The following RBFOX1 variants were observed in gnomAD, a reference collection of about 807,000 sequenced individuals.
RBFOX1 encodes RNA binding protein fox-1 homolog 1.
RBFOX1 carries 8 observed loss-of-function variants against 57.7 expected under a neutral mutation model. The observed-to-expected ratio is 0.14, with a 90% confidence interval of 0.08 to 0.25. The LOEUF (loss-of-function observed/expected upper bound fraction) is 0.25. Ranked by LOEUF, RBFOX1 falls within the 10% of genes least tolerant of loss-of-function variation. The probability of loss-of-function intolerance (pLI) is 1.00; values close to 1 mark genes in which losing one functional copy is unlikely to be tolerated. For missense variants in RBFOX1, 611 were observed against 548.5 expected (o/e 1.11, Z -1.14); for synonymous variants, 326 against 222.4 (o/e 1.47, Z -4.15).
At chr16:6,246,361 C>G (rs1296668203) in intron 1 of RBFOX1, among the ~76,000 whole-genome samples, 1 of 152,180 alleles carries the variant, frequency 6.6e-6, no homozygotes, top group Non-Finnish European at 1.5e-5. Flanking sequence ...AGTGAGCAGG[C>G]AATTCCAACA....
At chr16:7,586,625 G>C (rs1351843808) in intron 6 of RBFOX1, among the ~76,000 whole-genome samples, 1 of 152,116 alleles carries the variant, frequency 6.6e-6, no homozygotes, top group East Asian at 1.9e-4. Flanking sequence ...ACTTTTCATA[G>C]AGCCTATTCA....
chr16:6,193,617 A>G (rs1271361699), intron 1 of RBFOX1, among the ~76,000 whole-genome samples: 1 of 151,710 alleles, frequency 6.6e-6, no homozygotes, highest in Non-Finnish European at 1.5e-5. Flanking sequence ...TAAAACAGGC[A>G]AAGCATTCAG....
intron 4 of RBFOX1, among the ~76,000 whole-genome samples, chr16:7,141,704 C>T (rs1023576128): frequency 6.6e-6 from 1 of 151,940 alleles, no homozygotes; most frequent in East Asian, 1.9e-4. Flanking sequence ...CTTTTGGATC[C>T]CTTCTTCTCC....
chr16:5,287,238 C>T (rs753741545), intron 1 of RBFOX1, among the ~76,000 whole-genome samples: 2 of 151,758 alleles, frequency 1.3e-5, no homozygotes, highest in Admixed American at 6.6e-5. Flanking sequence ...CAGGATTTTG[C>T]GGTTATAGTG....
intron 3 of RBFOX1, among the ~76,000 whole-genome samples, chr16:5,720,227 G>T (rs2051878119): frequency 6.6e-6 from 1 of 152,072 alleles, no homozygotes; most frequent in Non-Finnish European, 1.5e-5. Context: ...GTCTTTTTTG[G>T]AGACATGCCT....
chr16:5,281,570 A>G (rs1358613231), intron 1 of RBFOX1, among the ~76,000 whole-genome samples: 3 of 152,192 alleles, frequency 2.0e-5, no homozygotes, highest in Non-Finnish European at 4.4e-5. Flanking sequence ...CTCTCCGTCT[A>G]GATTTCATAA....
intron 14 of RBFOX1, among the ~76,000 whole-genome samples, chr16:7,684,596 A>G (rs964084462): frequency 6.8e-6 from 1 of 148,112 alleles, no homozygotes; most frequent in Non-Finnish European, 1.5e-5. Flanking sequence ...CAGTGGTTCT[A>G]ACGGGTCTTG....
In RBFOX1 at chr16:6,097,978, T is replaced by A. The variant is rs1024617543; in HGVS notation, c.-127+77986T>A. 9.2e-5 allele frequency among the ~76,000 whole-genome samples: 14 copies of A among 152,150 alleles called. No homozygotes were observed. Among genetic ancestry groups the A allele is most frequent in the African/African-American group, 3.4e-4 (14 of 41,444 alleles). On this transcript the variant is annotated intron_variant, in intron 1 of 15. Coordinates refer to ENST00000550418, the MANE Select transcript of RBFOX1 (RefSeq NM_018723.4). The surrounding 1 kb of genome is among the most constrained non-coding windows in gnomAD (Gnocchi z 5.0). ...ATCAGGGCCCCTGCTTGGTCTAGGA[T>A]GGAGCCTGCAATTTTGCATTTGTGA...
intron 3 of RBFOX1, among the ~76,000 whole-genome samples, chr16:5,718,205 T>C (rs2051790729): frequency 6.6e-6 from 1 of 152,224 alleles, no homozygotes; most frequent in South Asian, 2.1e-4. Flanking sequence ...GCTCAACAGA[T>C]TCAGTCTATC....
At chr16:7,041,406 A>G (rs774760360) in intron 3 of RBFOX1, among the ~76,000 whole-genome samples, 8 of 152,226 alleles carry the variant, frequency 5.3e-5, no homozygotes, top group East Asian at 3.9e-4. Flanking sequence ...AAGTTTTTCA[A>G]TTCCTAATGT....
intron 1 of RBFOX1, among the ~76,000 whole-genome samples, chr16:5,370,325 C>A (rs897709427): frequency 2.6e-5 from 4 of 152,048 alleles, no homozygotes; most frequent in African/African-American, 9.7e-5. Flanking sequence ...GTTTTGTGTT[C>A]TCTTCCCTTC....
At chr16:7,408,017 T>C (rs1312594524) in intron 4 of RBFOX1, among the ~76,000 whole-genome samples, 1 of 152,170 alleles carries the variant, frequency 6.6e-6, no homozygotes, top group East Asian at 1.9e-4. Context: ...CGTGGCTCTT[T>C]ACAGAAAAAA....
intron 3 of RBFOX1, among the ~76,000 whole-genome samples, chr16:5,662,947 C>T (rs1374390817): frequency 6.6e-6 from 1 of 152,178 alleles, no homozygotes; most frequent in Non-Finnish European, 1.5e-5. Context: ...AGTAGACGCT[C>T]AGTGCATGTT....
chr16:5,243,034 A>G (rs1344738055), intron 1 of RBFOX1, among the ~76,000 whole-genome samples: 1 of 151,460 alleles, frequency 6.6e-6, no homozygotes, highest in African/African-American at 2.4e-5. Context: ...TGCCAATATC[A>G]GAAGTTTCAC....
chr16:7,563,799 C>T (rs1197076621), intron 5 of RBFOX1, among the ~76,000 whole-genome samples: 7 of 150,048 alleles, frequency 4.7e-5, no homozygotes, highest in East Asian at 2.0e-4. Flanking sequence ...ATCCTGGAAC[C>T]AAAAGCCAAA....
At chr16:7,348,476 T>C (rs1370846204) in intron 4 of RBFOX1, among the ~76,000 whole-genome samples, 1 of 152,166 alleles carries the variant, frequency 6.6e-6, no homozygotes, top group Non-Finnish European at 1.5e-5. Context: ...ACATATTCCG[T>C]GTCCTTTCCA....
chr16:5,553,092 T>G lies in RBFOX1; in HGVS notation c.259-45810T>G, dbSNP rs188149999. Among the ~76,000 whole-genome samples, 421 of 152,160 alleles carry G rather than the reference T, an allele frequency of 2.8e-3. 4 individuals carry two copies. The highest frequency in any genetic ancestry group is 9.6e-3 in the African/African-American group (400 of 41,508). On this transcript the variant is annotated intron_variant, in intron 2 of 2. Coordinates refer to the RBFOX1 transcript ENST00000585867. The stretch of plus-strand genomic sequence containing the variant: ...GTGGGAATTGAACAATGAGATCACT[T>G]GGACACAGGGCGAGCAACATCACAT...
intron 2 of RBFOX1, among the ~76,000 whole-genome samples, chr16:6,569,508 A>G (rs2097314530): frequency 6.6e-6 from 1 of 152,192 alleles, no homozygotes; most frequent in African/African-American, 2.4e-5. Context: ...CACTAGATGG[A>G]AGTGTCCTAG....
chr16:7,712,931 C>T lies in RBFOX1; in HGVS notation c.*2186C>T, dbSNP rs142790622. 10 of 152,294 alleles carry T rather than the reference C, an allele frequency of 6.6e-5. No homozygotes were observed. The East Asian group carries it at 1.7e-3, about 26-fold the overall frequency. The allele number at this position is 152,294 out of a possible 1,614,324, so 9.4% of individuals were successfully genotyped here. On this transcript the variant is annotated 3_prime_UTR_variant, in exon 16 of 16. Coordinates refer to ENST00000550418, the MANE Select transcript of RBFOX1 (RefSeq NM_018723.4). Reference sequence around the variant, plus strand: ...ATTCATTTGCAGTTTTGATTTTCATCAATGAGCTGTACTTTCCCCCATGAC... The same window carrying T: ...ATTCATTTGCAGTTTTGATTTTCATTAATGAGCTGTACTTTCCCCCATGAC...
Sources: gnomAD v4.1 joint callset for allele counts (sites outside exome capture counted in the v4.1 genomes callset) on GRCh38, gnomAD v4.1.1 for gene constraint, Gnocchi (gnomAD v3.1) non-coding constraint, MANE v1.5 for transcripts, NCBI Gene and HGNC (gene_info 2026-07-23, HGNC 2026-07-21) for gene names.